Variants in JADE2 observed in about 807,000 individuals in gnomAD.
JADE2 encodes E3 ubiquitin-protein ligase Jade-2.
JADE2 carries 13 observed loss-of-function variants against 85.7 expected under a neutral mutation model. The observed-to-expected ratio is 0.15, with a 90% confidence interval of 0.10 to 0.24. The LOEUF is 0.24. Ranked by LOEUF, JADE2 falls within the 10% of genes least tolerant of loss-of-function variation. JADE2 has a pLI of 1.00. For synonymous variants in JADE2, 440 were observed against 456.1 expected, an observed-to-expected ratio of 0.96 and a Z score of 0.45; for missense variants, 846 against 1,115.9, an observed-to-expected ratio of 0.76 and a Z score of 3.45.
At chr5:134,555,561 G>C (rs565234227) in intron 4 of JADE2, among the ~76,000 whole-genome samples, 9 of 152,316 alleles carry the variant, frequency 5.9e-5, no homozygotes, top group Non-Finnish European at 1.2e-4. Context: ...CCTTCACCTT[G>C]GCTCTTCAGA....
chr5:134,532,833 G>T (rs1336914987), intron 1 of JADE2, among the ~76,000 whole-genome samples: 4 of 152,218 alleles, frequency 2.6e-5, no homozygotes, highest in African/African-American at 9.7e-5. Flanking sequence ...ATTAGCCACT[G>T]TGACAGTGGG....
intron 3 of JADE2, among the ~76,000 whole-genome samples, chr5:134,539,043 T>TTTA (rs1554124816): frequency 7.4e-6 from 1 of 134,378 alleles, no homozygotes; most frequent in East Asian, 2.1e-4. Context: ...TTTATTTTTA[T>TTTA]TTTATTTATT....
In JADE2 at chr5:134,559,600, C is replaced by T. The variant is rs144062094; in HGVS notation, c.312-230C>T. Among the ~76,000 whole-genome samples, 352 of 152,320 alleles carry T rather than the reference C, an allele frequency of 2.3e-3. 3 individuals carry two copies. Among genetic ancestry groups the T allele is most frequent in the African/African-American group, 7.4e-3 (308 of 41,570 alleles). On this transcript the variant is annotated intron_variant, in intron 4 of 11. Coordinates refer to ENST00000681547, the MANE Select transcript of JADE2 (RefSeq NM_001388185.1). ...CCCATCCCCCACTGTGCCCTACTGCCCTTTGGGTTTTCTGTGTACTGCCTG... is the reference window on the plus strand; with the variant it reads ...CCCATCCCCCACTGTGCCCTACTGCTCTTTGGGTTTTCTGTGTACTGCCTG...
In JADE2 at chr5:134,535,884, C is replaced by T. The variant is rs757883615; in HGVS notation, c.27C>T (p.Ser9=). 1.7e-5 allele frequency: 27 copies of T among 1,613,976 alleles called. No individual in the cohort carries two copies. The South Asian group carries it at 2.2e-4, about 13-fold the overall frequency. Reference sequence around the variant, plus strand: ...TGGAAGAGAAGAGGCGAAAATACTCCATCAGCAGTGACAACTCTGACACCA... The same window carrying T: ...TGGAAGAGAAGAGGCGAAAATACTCTATCAGCAGTGACAACTCTGACACCA... The part of the protein sequence containing the change: MEEKRRKY[S]ISSDNSDTTD... Residue 9 remains serine, a synonymous_variant, in exon 2 of 12, where the codon TCC becomes TCT. Coordinates refer to ENST00000681547, the MANE Select transcript of JADE2 (RefSeq NM_001388185.1).
intron 8 of JADE2, 122 bp from the exon 9 acceptor site, chr5:134,565,994 A>C: frequency 1.2e-6 from 1 of 830,762 alleles, no homozygotes. Context: ...AGCCCATGCC[A>C]TTCTGTTTAG....
At chr5:134,569,647 C>G (rs1265091407) in intron 9 of JADE2, among the ~76,000 whole-genome samples, 2 of 152,124 alleles carry the variant, frequency 1.3e-5, no homozygotes, top group Non-Finnish European at 2.9e-5. Flanking sequence ...CCTGACCTGG[C>G]CTGAGGAGGA....
At chr5:134,527,309 C>T (rs1169851596) in intron 1 of JADE2, among the ~76,000 whole-genome samples, 1 of 152,138 alleles carries the variant, frequency 6.6e-6, no homozygotes, top group East Asian at 1.9e-4. Flanking sequence ...CCCATGGTTT[C>T]TTCCCGCCCA....
At chr5:134,526,314 G>C (rs1760813097) in intron 1 of JADE2, 2 of 985,112 alleles carry the variant, frequency 2.0e-6, no homozygotes, top group Non-Finnish European at 2.4e-6. Flanking sequence ...CTTTATTAAT[G>C]ACTGCGGCAA....
chr5:134,576,620 C>G (rs1764381210), intron 10 of JADE2, 148 bp from the exon 11 acceptor site: 2 of 1,008,444 alleles, frequency 2.0e-6, no homozygotes, highest in Non-Finnish European at 2.9e-6. Flanking sequence ...CCCCACCATG[C>G]CAGCCATCCC....
chr5:134,529,860 C>T (rs936781937), intron 1 of JADE2, among the ~76,000 whole-genome samples: 5 of 152,234 alleles, frequency 3.3e-5, no homozygotes, highest in Non-Finnish European at 7.3e-5. Context: ...AGAGCCTTTT[C>T]ATTCTCCCAC....
intron 4 of JADE2, among the ~76,000 whole-genome samples, chr5:134,556,141 G>A (rs1268127469): frequency 6.6e-6 from 1 of 152,172 alleles, no homozygotes; most frequent in East Asian, 1.9e-4. Flanking sequence ...CCCTGTCAGC[G>A]CTGAGTCACA....
intron 4 of JADE2, among the ~76,000 whole-genome samples, chr5:134,552,945 G>A (rs1291614458): frequency 1.3e-5 from 2 of 148,350 alleles, no homozygotes; most frequent in Non-Finnish European, 3.0e-5. Context: ...CTCCGAAAGT[G>A]CTGGGATTGC....
In JADE2 at chr5:134,578,645, G is replaced by A; in HGVS notation, c.1833G>A (p.Glu611=). Residue 611 remains glutamate, a synonymous_variant, in exon 12 of 12, where the codon GAG becomes GAA. Transcript: ENST00000681547. The surrounding 1 kb of genome is among the most constrained non-coding windows in gnomAD (Gnocchi z 4.4). ...ACCCTGCTCCAGGGCTGCTGTCAGA[G>A]GAACTGCTGCAGGACGAGGAGACAC... is the stretch of plus-strand genomic sequence containing the variant. ...REDPAPGLLS[E]ELLQDEETLL... is the part of the protein sequence containing the mutation. 1 of 1,614,140 alleles carries A rather than the reference G, an allele frequency of 6.2e-7. No homozygotes were observed. Among genetic ancestry groups the A allele is most frequent in the South Asian group, 1.1e-5 (1 of 91,088 alleles).
At chr5:134,536,594 A>G (rs1391180792) in intron 2 of JADE2, 1 of 152,214 alleles carries the variant, frequency 6.6e-6, no homozygotes, top group African/African-American at 2.4e-5. Context: ...AGGGAGGTTT[A>G]TGCAAAGTGA....
intron 4 of JADE2, among the ~76,000 whole-genome samples, chr5:134,557,300 G>T (rs1763030878): frequency 7.4e-6 from 1 of 135,110 alleles, no homozygotes; most frequent in African/African-American, 2.8e-5. Flanking sequence ...TTTTCAGACA[G>T]AACCCATGCT....
Position 134,578,423 on chromosome 5 carries a change from C to A in JADE2, c.1682-71C>A. The A allele has an allele frequency of 2.6e-6, 3 of 1,144,792 alleles. No individual in the cohort carries two copies. The highest frequency in any genetic ancestry group is 3.8e-6 in the Non-Finnish European group (3 of 791,050). The allele number at this position is 1,144,792 out of a possible 1,614,324, so 70.9% of individuals were successfully genotyped here. ...ACGATGCCTGGTGGTGTGCTGGGAG[C>A]GTCAGTGGGCTTCCTGAAAGGGTGG... is the stretch of plus-strand genomic sequence containing the variant. On this transcript the variant is annotated intron_variant, in intron 11 of 11. Coordinates refer to ENST00000681547, the MANE Select transcript of JADE2 (RefSeq NM_001388185.1). The surrounding 1 kb of genome is among the most constrained non-coding windows in gnomAD (Gnocchi z 4.4).
At chr5:134,573,322 TAC>T (rs1350470690) in intron 9 of JADE2, among the ~76,000 whole-genome samples, 1 of 152,110 alleles carries the variant, frequency 6.6e-6, no homozygotes, top group African/African-American at 2.4e-5. Flanking sequence ...TGGCTGACCT[TAC>T]CAGGAAGGTA....
chr5:134,542,001 G>C (rs182019117), intron 3 of JADE2, among the ~76,000 whole-genome samples: 64 of 152,378 alleles, frequency 4.2e-4, no homozygotes, highest in Non-Finnish European at 7.9e-4. Flanking sequence ...GAGTGAGTGC[G>C]GGCCTCCGAG....
At chr5:134,536,346 C>G (rs1183633763) in intron 2 of JADE2, among the ~76,000 whole-genome samples, 1 of 152,160 alleles carries the variant, frequency 6.6e-6, no homozygotes, top group East Asian at 1.9e-4. Flanking sequence ...TCTTGTCTTG[C>G]TTACCACTAT....
Sources: allele counts gnomAD v4.1 joint callset (sites outside exome capture counted in the v4.1 genomes callset), GRCh38; gene constraint gnomAD v4.1.1; non-coding constraint Gnocchi (gnomAD v3.1); transcripts MANE v1.5; gene names NCBI Gene and HGNC (gene_info 2026-07-23, HGNC 2026-07-21).